The following LTBP1 variants were observed in gnomAD, a reference collection of about 807,000 sequenced individuals.
The protein encoded by LTBP1 is latent transforming growth factor beta binding protein 1.
A neutral mutation model predicts 207.6 loss-of-function variants in LTBP1; 129 were observed. That is an observed-to-expected ratio of 0.62 (90% CI 0.54 to 0.72). LTBP1 has a LOEUF of 0.72. Ranked by LOEUF, LTBP1 falls within the 30% of genes least tolerant of loss-of-function variation. The pLI, the probability that LTBP1 is intolerant of heterozygous loss-of-function variation, is 0.00. For missense variants in LTBP1, 2,281 were observed against 2,217.2 expected (o/e 1.03, Z -0.58); for synonymous variants, 963 against 833.7 (o/e 1.16, Z -2.67).
At chr2:33,154,368 T>C (rs2083781329) in intron 5 of LTBP1, among the ~76,000 whole-genome samples, 1 of 152,190 alleles carries the variant, frequency 6.6e-6, no homozygotes. Context: ...CATTTCTCCT[T>C]CCCAGTGAGT....
At chr2:33,109,456 G>T (rs953905267) in intron 3 of LTBP1, among the ~76,000 whole-genome samples, 8 of 152,172 alleles carry the variant, frequency 5.3e-5, no homozygotes, top group Non-Finnish European at 1.5e-5. Flanking sequence ...GAATTAGTTG[G>T]TATATCTTCT....
chr2:33,243,382 CT>C (rs1181883472), intron 9 of LTBP1, among the ~76,000 whole-genome samples: 2 of 152,172 alleles, frequency 1.3e-5, no homozygotes, highest in Non-Finnish European at 2.9e-5. Flanking sequence ...TAAACTAACA[CT>C]AAAGCAAAAG....
rs75676225 is a variant in LTBP1, at chr2:33,001,123, C to T, written c.566-19786C>T. 8.9e-3 allele frequency among the ~76,000 whole-genome samples: 1,198 copies of T among 134,712 alleles called. 191 individuals are homozygous for T. Among genetic ancestry groups the T allele is most frequent in the African/African-American group, 0.028 (1,089 of 38,618 alleles). The allele number at this position is 134,712 out of a possible 152,430, so 88.4% of individuals were successfully genotyped here. ...TACCTGGCCCATGATGCTAACTATC[C>T]ACAATGACCCTGACTCCATTCACAT... On this transcript the variant is annotated intron_variant, in intron 2 of 33. Coordinates refer to ENST00000404816, the MANE Select transcript of LTBP1 (RefSeq NM_206943.4).
At chr2:33,192,213 G>A (rs1400662013) in intron 7 of LTBP1, among the ~76,000 whole-genome samples, 1 of 152,202 alleles carries the variant, frequency 6.6e-6, no homozygotes, top group Non-Finnish European at 1.5e-5. Context: ...CTGAGGCATA[G>A]TGCAGTATAA....
chr2:33,394,850 T>G (rs1323149947), intron 32 of LTBP1, among the ~76,000 whole-genome samples: 3 of 152,220 alleles, frequency 2.0e-5, no homozygotes, highest in Non-Finnish European at 4.4e-5. Context: ...AGAAAGTCAT[T>G]GCTGTTTCCT....
At chr2:33,380,273 T>G (rs1483714723) in intron 31 of LTBP1, among the ~76,000 whole-genome samples, 1 of 151,992 alleles carries the variant, frequency 6.6e-6, no homozygotes, top group Non-Finnish European at 1.5e-5. Context: ...TTGCAGCCCA[T>G]GATAAGAATG....
chr2:33,274,087 G>A (rs993075102), intron 16 of LTBP1, among the ~76,000 whole-genome samples: 3 of 152,046 alleles, frequency 2.0e-5, no homozygotes, highest in African/African-American at 4.8e-5. Flanking sequence ...CTAAAAACAT[G>A]TATTTAGCAA....
intron 2 of LTBP1, among the ~76,000 whole-genome samples, chr2:33,004,981 G>A (rs1049302126): frequency 6.6e-6 from 1 of 151,866 alleles, no homozygotes; most frequent in Non-Finnish European, 1.5e-5. Context: ...CCTATGCTGG[G>A]TCTTCTCCCT....
intron 3 of LTBP1, among the ~76,000 whole-genome samples, chr2:33,041,526 C>T (rs1009406267): frequency 6.6e-6 from 1 of 152,218 alleles, no homozygotes; most frequent in Admixed American, 6.5e-5. Context: ...TTGTGATCCA[C>T]CTGCCTCTGC....
chr2:33,055,660 C>T (rs1188498852), intron 3 of LTBP1, among the ~76,000 whole-genome samples: 3 of 152,190 alleles, frequency 2.0e-5, no homozygotes, highest in Admixed American at 6.5e-5. Flanking sequence ...CATGACATCT[C>T]TCCAAGTGAG....
intron 3 of LTBP1, among the ~76,000 whole-genome samples, chr2:33,074,154 T>C (rs1282621055): frequency 6.6e-6 from 1 of 152,238 alleles, no homozygotes; most frequent in Non-Finnish European, 1.5e-5. Context: ...CTTCACAGAA[T>C]TCTAAAAAGT....
intron 3 of LTBP1, among the ~76,000 whole-genome samples, chr2:33,110,090 G>T (rs933858276): frequency 6.6e-6 from 1 of 152,086 alleles, no homozygotes; most frequent in African/African-American, 2.4e-5. Flanking sequence ...AAACATCTTT[G>T]TCTTTATTCC....
At position 33,015,449 on chromosome 2, in the gene LTBP1, T is replaced by C. The variant is rs528311959; in HGVS notation, c.566-5460T>C. ...AGTAGTGGCTCTATGTTTATATCAG[T>C]CAGTCAACCAAGTTTAGGCTCCTAT... is the stretch of plus-strand genomic sequence containing the variant. On this transcript the variant is annotated intron_variant, in intron 2 of 33. Coordinates refer to ENST00000404816, the MANE Select transcript of LTBP1 (RefSeq NM_206943.4). Among the ~76,000 whole-genome samples, 10 of 152,300 alleles carry C rather than the reference T, an allele frequency of 6.6e-5. No individual in the cohort carries two copies. The East Asian group carries it at 1.7e-3, about 26-fold the overall frequency.
chr2:33,355,620 A>G (rs2094848783), intron 26 of LTBP1, among the ~76,000 whole-genome samples: 3 of 152,108 alleles, frequency 2.0e-5, no homozygotes, highest in Admixed American at 2.0e-4. Context: ...GGCTTCCAGG[A>G]GCCCCTTCAT....
chr2:33,224,274 C>T (rs1163881029), intron 9 of LTBP1, among the ~76,000 whole-genome samples: 1 of 152,120 alleles, frequency 6.6e-6, no homozygotes, highest in Non-Finnish European at 1.5e-5. Flanking sequence ...GTAGTTGTTC[C>T]GTTAAACTAG....
rs192093750 is a variant in LTBP1 at position 33,079,879 on chromosome 2, A to G, written c.864-30703A>G. On this transcript the variant is annotated intron_variant, in intron 3 of 33. Transcript: ENST00000404816. ...TATGTACATACGTTCTTCTTAATCC[A>G]TATGCTTCTTTACTCCTTTTGACTT... is the stretch of plus-strand genomic sequence containing the variant. Among the ~76,000 whole-genome samples the G allele has an allele frequency of 7.9e-5, 12 of 152,226 alleles. No homozygotes were observed. In the East Asian group the frequency reaches 1.9e-3, roughly 24 times the overall value.
At chr2:33,064,107 C>G (rs1179395184) in intron 3 of LTBP1, among the ~76,000 whole-genome samples, 4 of 152,176 alleles carry the variant, frequency 2.6e-5, no homozygotes, top group Non-Finnish European at 5.9e-5. Context: ...CCCGCCTTGG[C>G]CTCCCAAAGT....
At chr2:33,293,995 C>CCTT (rs2093824143) in intron 20 of LTBP1, among the ~76,000 whole-genome samples, 1 of 48,808 alleles carries the variant, frequency 2.0e-5, no homozygotes, top group Non-Finnish European at 3.7e-5. Context: ...TGGTACAGGT[C>CCTT]TTTTTTTTTT....
At chr2:33,269,017 C>T (rs1421338227) in intron 15 of LTBP1, among the ~76,000 whole-genome samples, 11 of 152,216 alleles carry the variant, frequency 7.2e-5, no homozygotes, top group Admixed American at 5.9e-4. Flanking sequence ...AGTGTCATTA[C>T]TGCCTCAATA....
Sources: gnomAD v4.1 joint callset for allele counts (sites outside exome capture counted in the v4.1 genomes callset) on GRCh38, gnomAD v4.1.1 for gene constraint, MANE v1.5 for transcripts, NCBI Gene and HGNC (gene_info 2026-07-23, HGNC 2026-07-21) for gene names.